Variants in RHOU observed in about 807,000 individuals in gnomAD.
The protein encoded by RHOU is rho-related GTP-binding protein RhoU.
Under a neutral mutation model 12.6 loss-of-function variants are expected in RHOU, and 8 were observed. That is an observed-to-expected ratio of 0.64 (90% confidence interval 0.37 to 1.15). The LOEUF (loss-of-function observed/expected upper bound fraction) is 1.15. Ranked by LOEUF, RHOU falls within the 50% of genes most tolerant of loss-of-function variation. The pLI, the probability that RHOU is intolerant of heterozygous loss-of-function variation, is 0.01. For synonymous variants in RHOU, 161 were observed against 147.4 expected (o/e 1.09, Z -0.67); for missense variants, 258 against 347.0 (o/e 0.74, Z 2.04).
At chr1:228,665,039 T>G in the RHOU span, among the ~76,000 whole-genome samples, 1 of 152,314 alleles carries the variant, frequency 6.6e-6, no homozygotes, top group East Asian at 1.9e-4. Context: ...TGAAAACCCT[T>G]CAAGATAGGT....
At chr1:228,707,130 A>ATATATATATATATATATATATATG in the RHOU span, among the ~76,000 whole-genome samples, 4 of 110,192 alleles carry the variant, frequency 3.6e-5, no homozygotes, top group Non-Finnish European at 6.9e-5. Context: ...ATATATACAT[A>ATATATATATATATATATATATATG]TATATATATA....
chr1:228,649,738 A>G, the RHOU span, among the ~76,000 whole-genome samples: 1 of 152,206 alleles, frequency 6.6e-6, no homozygotes, highest in Non-Finnish European at 1.5e-5. Flanking sequence ...AAACTTTTCA[A>G]ATGTTTATAA....
chr1:228,734,592 TTTGTTA>T (rs150374748), upstream of RHOU, among the ~76,000 whole-genome samples: 9,066 of 151,986 alleles, frequency 0.06, 687 homozygotes, highest in African/African-American at 0.19. Flanking sequence ...AAGTTCAGTA[TTTGTTA>T]TTGTTATTTT....
At chr1:228,718,967 G>A in the RHOU span, among the ~76,000 whole-genome samples, 23 of 152,192 alleles carry the variant, frequency 1.5e-4, no homozygotes, top group African/African-American at 5.3e-4. Context: ...TCAAAAGGAA[G>A]TATGGCTTTA....
chr1:228,729,590 G>A, the RHOU span, among the ~76,000 whole-genome samples: 1 of 152,144 alleles, frequency 6.6e-6, no homozygotes, highest in Non-Finnish European at 1.5e-5. Context: ...GCATCCCTGA[G>A]TCTCCACTTG....
the RHOU span, among the ~76,000 whole-genome samples, chr1:228,660,555 G>A: frequency 6.6e-6 from 1 of 151,756 alleles, no homozygotes; most frequent in Non-Finnish European, 1.5e-5. Context: ...TATGAAGATT[G>A]ATGTATAAAA....
the RHOU span, among the ~76,000 whole-genome samples, chr1:228,710,674 G>GA: frequency 6.6e-6 from 1 of 150,554 alleles, no homozygotes; most frequent in African/African-American, 2.4e-5. Flanking sequence ...AATAATAAGA[G>GA]CTATCTATGA....
the RHOU span, among the ~76,000 whole-genome samples, chr1:228,649,117 G>A: frequency 6.6e-6 from 1 of 152,080 alleles, no homozygotes; most frequent in African/African-American, 2.4e-5. Context: ...TGCCTGCCTC[G>A]GCCTCTTAAA....
the RHOU span, among the ~76,000 whole-genome samples, chr1:228,673,347 C>A: frequency 0.15 from 22,323 of 152,144 alleles, 2,191 homozygotes; most frequent in African/African-American, 0.29. Context: ...GAGATTCATT[C>A]ATGTTTTTGC....
upstream of RHOU, among the ~76,000 whole-genome samples, chr1:228,731,067 G>C (rs978009926): frequency 6.6e-6 from 1 of 152,084 alleles, no homozygotes; most frequent in African/African-American, 2.4e-5. Context: ...TTTGCTAGTG[G>C]AACAGTTAAA....
the RHOU span, among the ~76,000 whole-genome samples, chr1:228,720,815 A>G: frequency 6.6e-6 from 1 of 152,344 alleles, no homozygotes; most frequent in Middle Eastern, 3.4e-3. Flanking sequence ...TGGCACTATC[A>G]GGATCACATG....
chr1:228,722,366 C>A, the RHOU span, among the ~76,000 whole-genome samples: 1 of 152,196 alleles, frequency 6.6e-6, no homozygotes, highest in Non-Finnish European at 1.5e-5. Context: ...TCTTCACCCC[C>A]TCCCAGGCCC....
the RHOU span, among the ~76,000 whole-genome samples, chr1:228,658,542 C>G: frequency 1.3e-5 from 2 of 152,106 alleles, no homozygotes; most frequent in Non-Finnish European, 2.9e-5. Context: ...CTTGGACACC[C>G]CAGCCTTTAG....
chr1:228,720,568 G>T, the RHOU span, among the ~76,000 whole-genome samples: 5 of 152,252 alleles, frequency 3.3e-5, no homozygotes, highest in South Asian at 1.0e-3. Context: ...CACATACAAA[G>T]GAAGGACCCT....
At chr1:228,663,196 C>T in the RHOU span, among the ~76,000 whole-genome samples, 3 of 152,198 alleles carry the variant, frequency 2.0e-5, no homozygotes, top group Non-Finnish European at 4.4e-5. Context: ...CTTACGGCTG[C>T]TTTTGTGATT....
chr1:228,722,365 C>G, the RHOU span, among the ~76,000 whole-genome samples: 406 of 152,298 alleles, frequency 2.7e-3, 2 homozygotes, highest in African/African-American at 9.4e-3. Flanking sequence ...GTCTTCACCC[C>G]CTCCCAGGCC....
chr1:228,732,780 GT>G (rs1004100063), upstream of RHOU, among the ~76,000 whole-genome samples: 7 of 152,182 alleles, frequency 4.6e-5, no homozygotes, highest in African/African-American at 1.7e-4. Context: ...GCAAAGCCAA[GT>G]TTTGTAGGGC....
At chr1:228,707,206 CATAT>C in the RHOU span, among the ~76,000 whole-genome samples, 1 of 42,982 alleles carries the variant, frequency 2.3e-5, no homozygotes, top group African/African-American at 1.5e-4. Context: ...CATATATATA[CATAT>C]ATATATACAT....
the RHOU span, among the ~76,000 whole-genome samples, chr1:228,663,769 A>T: frequency 6.7e-6 from 1 of 149,214 alleles, no homozygotes; most frequent in African/African-American, 2.5e-5. Flanking sequence ...CGTAGCTGGG[A>T]TTACGCGCGC....
Sources: gnomAD v4.1 joint callset for allele counts (sites outside exome capture counted in the v4.1 genomes callset) on GRCh38, gnomAD v4.1.1 for gene constraint, MANE v1.5 for transcripts, NCBI Gene and HGNC (gene_info 2026-07-23, HGNC 2026-07-21) for gene names.